Variants in CDH12 observed in about 807,000 individuals in gnomAD.
The protein encoded by CDH12 is cadherin 12.
In CDH12, 41 loss-of-function variants were observed where a neutral mutation model predicts 74.1. The ratio of observed to expected loss-of-function variants is 0.55; its 90% CI spans 0.43 to 0.72. The LOEUF is 0.72. CDH12 is among the 30% of genes least tolerant of loss of function. The probability of loss-of-function intolerance (pLI) is 0.00; values close to 1 mark genes in which losing one functional copy is unlikely to be tolerated. For missense variants in CDH12, 945 were observed against 977.2 expected (o/e 0.97, Z 0.44); for synonymous variants, 399 against 355.0 (o/e 1.12, Z -1.39).
In CDH12 at chr5:22,223,341, C is replaced by A. The variant is rs566189013; in HGVS notation, c.-332-10698G>T. ...TAATGAGAGCTGGCATAATCTCTTGCGCATATAGAAGACATCAAGAAAAAA... is the reference window on the plus strand; with the variant it reads ...TAATGAGAGCTGGCATAATCTCTTGAGCATATAGAAGACATCAAGAAAAAA... On this transcript the variant is annotated intron_variant, in intron 3 of 14. Transcript: ENST00000382254. Among the ~76,000 whole-genome samples the A allele has an allele frequency of 1.1e-4, 17 of 151,990 alleles. No individual in the cohort carries two copies. The East Asian group carries it at 2.3e-3, about 21-fold the overall frequency.
At chr5:22,369,809 CA>C (rs1392377900) in intron 3 of CDH12, among the ~76,000 whole-genome samples, 1 of 152,072 alleles carries the variant, frequency 6.6e-6, no homozygotes, top group Non-Finnish European at 1.5e-5. Context: ...TTTAAACACT[CA>C]AAATCATTCA....
intron 1 of CDH12, among the ~76,000 whole-genome samples, chr5:22,576,626 A>G (rs1331532929): frequency 3.9e-5 from 6 of 152,152 alleles, no homozygotes; most frequent in Non-Finnish European, 7.4e-5. Flanking sequence ...CGTTAAGCAA[A>G]TTCCTGAAGG....
chr5:22,654,627 G>GT (rs58293821), intron 1 of CDH12, among the ~76,000 whole-genome samples: 41,648 of 143,428 alleles, frequency 0.29, 5,986 homozygotes, highest in Middle Eastern at 0.36. Flanking sequence ...TTGTTTGCTT[G>GT]TTTTTTTTTT....
At chr5:22,122,574 A>C (rs2150276961) in intron 4 of CDH12, among the ~76,000 whole-genome samples, 1 of 151,956 alleles carries the variant, frequency 6.6e-6, no homozygotes, top group Non-Finnish European at 1.5e-5. Context: ...GTCTCCTGAC[A>C]TTCCTCTATA....
chr5:22,715,952 C>G (rs1743553489), intron 1 of CDH12, among the ~76,000 whole-genome samples: 1 of 151,918 alleles, frequency 6.6e-6, no homozygotes, highest in Non-Finnish European at 1.5e-5. Context: ...GCCTGGCCCA[C>G]ATGGTGAAAC....
chr5:22,519,602 T>G (rs1456217437), intron 1 of CDH12, among the ~76,000 whole-genome samples: 1 of 152,010 alleles, frequency 6.6e-6, no homozygotes, highest in Non-Finnish European at 1.5e-5. Flanking sequence ...TTTTTGTATT[T>G]TTAGTAGAGA....
At chr5:21,823,248 C>T (rs568907236) in intron 8 of CDH12, among the ~76,000 whole-genome samples, 2 of 151,958 alleles carry the variant, frequency 1.3e-5, no homozygotes, top group African/African-American at 2.4e-5. Flanking sequence ...ACTGAGAATC[C>T]GAGCTGAGAC....
At chr5:22,092,099 A>T (rs1743468614) in intron 4 of CDH12, among the ~76,000 whole-genome samples, 1 of 151,830 alleles carries the variant, frequency 6.6e-6, no homozygotes, top group South Asian at 2.1e-4. Flanking sequence ...CATAAAAATG[A>T]CTTTTATCCT....
intron 1 of CDH12, among the ~76,000 whole-genome samples, chr5:22,781,765 G>A (rs1034986200): frequency 2.0e-5 from 3 of 151,916 alleles, no homozygotes; most frequent in African/African-American, 7.3e-5. Flanking sequence ...AAGCTTCTAG[G>A]GATACTATTG....
chr5:21,977,735 T>A (rs1430856609), intron 5 of CDH12, among the ~76,000 whole-genome samples: 1 of 152,158 alleles, frequency 6.6e-6, no homozygotes, highest in Non-Finnish European at 1.5e-5. Flanking sequence ...CTCTTCTACC[T>A]TTTCCTTCAA....
At chr5:22,838,090 G>C (rs1736913160) in intron 1 of CDH12, among the ~76,000 whole-genome samples, 1 of 152,104 alleles carries the variant, frequency 6.6e-6, no homozygotes, top group African/African-American at 2.4e-5. Context: ...ATCCAGAGGG[G>C]GCAAGTGGGC....
intron 2 of CDH12, among the ~76,000 whole-genome samples, chr5:22,471,571 TG>T (rs943929832): frequency 2.6e-5 from 4 of 152,166 alleles, no homozygotes; most frequent in Non-Finnish European, 4.4e-5. Flanking sequence ...AAAACTTCCA[TG>T]GGGGGAAAAA....
chr5:21,945,343 T>G (rs1450579345), intron 6 of CDH12, among the ~76,000 whole-genome samples: 1 of 145,986 alleles, frequency 6.8e-6, no homozygotes, highest in African/African-American at 2.6e-5. Context: ...GGAGAATCAC[T>G]TGAACCTGGG....
chr5:22,824,735 T>C (rs1279870967), intron 1 of CDH12, among the ~76,000 whole-genome samples: 5 of 151,780 alleles, frequency 3.3e-5, no homozygotes, highest in African/African-American at 9.6e-5. Context: ...AATTACAAAA[T>C]AAGATAGAGA....
intron 3 of CDH12, among the ~76,000 whole-genome samples, chr5:22,253,147 C>T (rs146897762): frequency 0.01 from 1,545 of 151,886 alleles, 7 homozygotes; most frequent in Non-Finnish European, 0.014. Flanking sequence ...CAGGATAATA[C>T]AATATGCAAT....
chr5:21,970,213 G>A (rs998836338), intron 6 of CDH12, among the ~76,000 whole-genome samples: 3 of 152,100 alleles, frequency 2.0e-5, no homozygotes, highest in South Asian at 2.1e-4. Flanking sequence ...TGCACAAGGC[G>A]AATGTCTTTA....
intron 6 of CDH12, among the ~76,000 whole-genome samples, chr5:21,872,486 A>C (rs1318249416): frequency 6.6e-6 from 1 of 152,150 alleles, no homozygotes; most frequent in Non-Finnish European, 1.5e-5. Context: ...TTTATACCTA[A>C]TGTCATTTGA....
intron 1 of CDH12, among the ~76,000 whole-genome samples, chr5:22,512,661 A>C (rs1212245496): frequency 6.6e-6 from 1 of 152,212 alleles, no homozygotes; most frequent in Non-Finnish European, 1.5e-5. Context: ...CAATGCCCCT[A>C]CGATAATGAA....
intron 1 of CDH12, among the ~76,000 whole-genome samples, chr5:22,763,021 C>T (rs1746307153): frequency 6.6e-6 from 1 of 151,708 alleles, no homozygotes; most frequent in Non-Finnish European, 1.5e-5. Flanking sequence ...ATTTATACTT[C>T]GAATAAGAAT....
Sources: gnomAD v4.1 joint callset for allele counts (sites outside exome capture counted in the v4.1 genomes callset) on GRCh38, gnomAD v4.1.1 for gene constraint, MANE v1.5 for transcripts, NCBI Gene and HGNC (gene_info 2026-07-23, HGNC 2026-07-21) for gene names.